The following HSD17B11 variants were observed in gnomAD, a reference collection of about 807,000 sequenced individuals.
HSD17B11 encodes hydroxysteroid 17-beta dehydrogenase 11, also known as estradiol 17-beta-dehydrogenase 11.
A neutral mutation model predicts 27.8 loss-of-function variants in HSD17B11; 22 were observed. The observed-to-expected ratio is 0.79, with a 90% CI of 0.56 to 1.13. HSD17B11 has a LOEUF of 1.13. HSD17B11 is among the 50% of genes most tolerant of loss of function. The pLI is 0.00. For synonymous variants in HSD17B11, 117 were observed against 132.8 expected, an observed-to-expected ratio of 0.88 and a Z score of 0.82; for missense variants, 314 against 351.1, an observed-to-expected ratio of 0.89 and a Z score of 0.84.
intron 3 of HSD17B11, among the ~76,000 whole-genome samples, chr4:87,374,107 T>C (rs1455752569): frequency 2.0e-5 from 3 of 151,986 alleles, no homozygotes; most frequent in African/African-American, 7.2e-5. Context: ...GGCGGATCAC[T>C]TGAGTCCAGG....
intron 4 of HSD17B11, among the ~76,000 whole-genome samples, chr4:87,364,140 GTT>G (rs761255189): frequency 6.8e-6 from 1 of 146,710 alleles, no homozygotes; most frequent in Non-Finnish European, 1.5e-5. Flanking sequence ...AATTATTTTT[GTT>G]TTTTTGTTTT....
chr4:87,377,926 T>C (rs1735867890), intron 2 of HSD17B11, among the ~76,000 whole-genome samples: 1 of 152,204 alleles, frequency 6.6e-6, no homozygotes, highest in Non-Finnish European at 1.5e-5. Flanking sequence ...CAGCAATTCT[T>C]ATATGCTCAC....
intron 4 of HSD17B11, among the ~76,000 whole-genome samples, chr4:87,370,864 T>C (rs1275138040): frequency 4.8e-5 from 6 of 124,744 alleles, no homozygotes; most frequent in Admixed American, 1.6e-4. Context: ...GCCATTCTCC[T>C]GCCTCAGCCT....
chr4:87,366,500 T>A (rs1735615839), intron 4 of HSD17B11, among the ~76,000 whole-genome samples: 1 of 152,214 alleles, frequency 6.6e-6, no homozygotes, highest in East Asian at 1.9e-4. Flanking sequence ...GAAACAGTGT[T>A]TTGCTTTCTT....
chr4:87,340,460 C>A, intron 6 of HSD17B11, 30 bp downstream of exon 6: 1 of 1,377,748 alleles, frequency 7.3e-7, no homozygotes, highest in South Asian at 1.3e-5. Flanking sequence ...TTTTACCTTT[C>A]ATTTCTAAGG....
chr4:87,370,745 TATTA>T (rs1177598314), intron 4 of HSD17B11, among the ~76,000 whole-genome samples: 1 of 36,302 alleles, frequency 2.8e-5, no homozygotes, highest in East Asian at 3.9e-4. Context: ...TTATTATTAT[TATTA>T]TTATTATTTT....
chr4:87,339,444 C>T (rs894009151), intron 6 of HSD17B11, among the ~76,000 whole-genome samples: 3 of 152,156 alleles, frequency 2.0e-5, no homozygotes, highest in Admixed American at 2.0e-4. Flanking sequence ...TACAGATTTC[C>T]GGTCCAACTC....
chr4:87,370,058 G>T (rs1735679640), intron 4 of HSD17B11, among the ~76,000 whole-genome samples: 1 of 152,128 alleles, frequency 6.6e-6, no homozygotes, highest in South Asian at 2.1e-4. Context: ...TTTTTCCTAA[G>T]ATAGGCTACT....
At chr4:87,390,635 T>TCA (rs910261318) in intron 1 of HSD17B11, among the ~76,000 whole-genome samples, 3 of 152,168 alleles carry the variant, frequency 2.0e-5, no homozygotes, top group African/African-American at 7.2e-5. Context: ...AAAATGGGGA[T>TCA]CAATTTACAA....
At chr4:87,361,726 C>T (rs1007713364) in intron 4 of HSD17B11, among the ~76,000 whole-genome samples, 2 of 152,102 alleles carry the variant, frequency 1.3e-5, no homozygotes, top group African/African-American at 2.4e-5. Context: ...GAGATCGCGC[C>T]GCTGCACTCC....
intron 4 of HSD17B11, among the ~76,000 whole-genome samples, chr4:87,360,286 T>A (rs918739382): frequency 2.0e-5 from 3 of 152,370 alleles, no homozygotes; most frequent in African/African-American, 7.2e-5. Context: ...AAAGCACAGG[T>A]TAACTGGTAG....
Position 87,360,092 on chromosome 4 carries a change from G to A in HSD17B11, c.558-2676C>T, listed in dbSNP as rs575130470. Among the ~76,000 whole-genome samples the A allele has an allele frequency of 1.3e-4, 20 of 151,826 alleles. No homozygotes were observed. The South Asian group carries it at 4.0e-3, about 30-fold the overall frequency. ...ATATAAAAGCAAAGTAAAACAAGAC[G>A]GAATTCTTGCCTAGCAGTAATTATA... is the stretch of plus-strand genomic sequence containing the variant. On this transcript the variant is annotated intron_variant, in intron 4 of 6. Transcript: ENST00000358290.
At chr4:87,378,715 C>CT (rs200084599) in intron 2 of HSD17B11, among the ~76,000 whole-genome samples, 7,483 of 144,782 alleles carry the variant, frequency 0.052, 689 homozygotes, top group African/African-American at 0.18. Context: ...CTTCTACTCT[C>CT]TATCTCCAAG....
In HSD17B11 at chr4:87,368,994, A is replaced by C. The variant is rs147880221; in HGVS notation, c.557+3715T>G. Among the ~76,000 whole-genome samples the C allele has an allele frequency of 3.9e-3, 591 of 152,314 alleles. 2 individuals are homozygous for C. Among genetic ancestry groups the C allele is most frequent in the African/African-American group, 0.014 (566 of 41,570 alleles). On this transcript the variant is annotated intron_variant, in intron 4 of 6. Transcript: ENST00000358290. ...TCTTTTATTCCTTTACTTTCTTAAT[A>C]AACTTGCTTTCACTTTGCACTGTGG...
At chr4:87,357,948 A>ATTTTTT (rs748955521) in intron 4 of HSD17B11, among the ~76,000 whole-genome samples, 2,533 of 97,128 alleles carry the variant, frequency 0.026, 153 homozygotes, top group East Asian at 0.091. Flanking sequence ...TCATTAGAGA[A>ATTTTTT]ATTTTTTTTT....
chr4:87,382,786 C>T (rs1720209292), intron 1 of HSD17B11, among the ~76,000 whole-genome samples: 1 of 152,002 alleles, frequency 6.6e-6, no homozygotes, highest in South Asian at 2.1e-4. Flanking sequence ...TTCATTAAAC[C>T]ATTTGTTCTT....
intron 2 of HSD17B11, among the ~76,000 whole-genome samples, chr4:87,378,960 A>ATATTTT (rs1720051475): frequency 3.9e-5 from 1 of 25,626 alleles, no homozygotes; most frequent in African/African-American, 3.0e-4. Context: ...ATATATATAT[A>ATATTTT]TTTTTTTTTT....
At chr4:87,347,103 A>ATTTTTTTTTTTTTTTTTT (rs763068482) in intron 5 of HSD17B11, among the ~76,000 whole-genome samples, 3 of 62,596 alleles carry the variant, frequency 4.8e-5, no homozygotes, top group Non-Finnish European at 8.1e-5. Flanking sequence ...AGTATTCTGG[A>ATTTTTTTTTTTTTTTTTT]TTTTTTTTTT....
rs58297196 is a variant in HSD17B11, at chr4:87,391,099, G to GTTT, written c.-32_-30dup. ...TTTTGTGGCTGCGAGCGTTTGGTGT[G>GTTT]TTTTTTTTTTTTTTTACCACTCTAA... On this transcript the variant is annotated 5_prime_UTR_variant, in exon 1 of 7. Coordinates refer to ENST00000358290, the MANE Select transcript of HSD17B11 (RefSeq NM_016245.5). The GTTT allele has an allele frequency of 4.1e-4, 530 of 1,291,072 alleles. No homozygotes were observed. The highest frequency in any genetic ancestry group is 3.3e-3 in the African/African-American group (215 of 64,270). 80.0% of individuals were successfully genotyped at this position (1,291,072 alleles called of 1,614,324 possible).
Sources: allele counts gnomAD v4.1 joint callset (sites outside exome capture counted in the v4.1 genomes callset), GRCh38; gene constraint gnomAD v4.1.1; transcripts MANE v1.5; gene names NCBI Gene and HGNC (gene_info 2026-07-23, HGNC 2026-07-21).